CAMK2D: variants seen among roughly 807,000 people sequenced by gnomAD.
CAMK2D encodes the protein calcium/calmodulin dependent protein kinase II delta.
A neutral mutation model predicts 84.0 loss-of-function variants in CAMK2D; 37 were observed. That is an observed-to-expected ratio of 0.44 (90% CI 0.34 to 0.58). The LOEUF is 0.58. Ranked by LOEUF, CAMK2D falls within the 20% of genes least tolerant of loss-of-function variation. The pLI, the probability that CAMK2D is intolerant of heterozygous loss-of-function variation, is 0.02. For synonymous variants in CAMK2D, 202 were observed against 212.5 expected, an observed-to-expected ratio of 0.95 and a Z score of 0.43; for missense variants, 448 against 652.5, an observed-to-expected ratio of 0.69 and a Z score of 3.41.
intron 4 of CAMK2D, among the ~76,000 whole-genome samples, chr4:113,569,289 T>C (rs2098740854): frequency 6.6e-6 from 1 of 152,232 alleles, no homozygotes; most frequent in Middle Eastern, 3.2e-3. Context: ...TTTTGTGTCA[T>C]ATCCAAAAAA....
At chr4:113,683,975 C>T (rs561621417) in intron 2 of CAMK2D, among the ~76,000 whole-genome samples, 2 of 152,174 alleles carry the variant, frequency 1.3e-5, no homozygotes, top group Non-Finnish European at 2.9e-5. Flanking sequence ...TTTTTGACCT[C>T]TCTGTACCTC....
chr4:113,585,725 T>C (rs532594426), intron 4 of CAMK2D, among the ~76,000 whole-genome samples: 171 of 87,294 alleles, frequency 2.0e-3, no homozygotes, highest in Non-Finnish European at 2.9e-3. Context: ...TCATATAGTA[T>C]AGATAGTATA....
intron 4 of CAMK2D, among the ~76,000 whole-genome samples, chr4:113,593,582 G>C (rs1038922211): frequency 1.3e-5 from 2 of 151,412 alleles, no homozygotes; most frequent in Admixed American, 6.7e-5. Flanking sequence ...GTGAATACCA[G>C]AGGAAAAATC....
chr4:113,562,340 C>T (rs971139786), intron 4 of CAMK2D, among the ~76,000 whole-genome samples: 6 of 152,230 alleles, frequency 3.9e-5, no homozygotes, highest in Admixed American at 1.3e-4. Context: ...TATCTAAAAT[C>T]TTATTTATAC....
chr4:113,504,888 T>TATC (rs1354487499), intron 14 of CAMK2D, 88 bp downstream of exon 14: 1 of 480,856 alleles, frequency 2.1e-6, no homozygotes, highest in African/African-American at 2.1e-5. Context: ...TATATATATG[T>TATC]ATCTATATAG....
chr4:113,761,177 A>C lies in CAMK2D; in HGVS notation c.-109T>G. On this transcript the variant is annotated 5_prime_UTR_variant, in exon 1 of 21. Transcript: ENST00000511664. ...GGCGCTGTCACCCAGGGCCGCTCTTACTTTCCTGGTCCGAAAGTAGCTCGC... is the reference window on the plus strand; with the variant it reads ...GGCGCTGTCACCCAGGGCCGCTCTTCCTTTCCTGGTCCGAAAGTAGCTCGC... The C allele has an allele frequency of 6.4e-7, 1 of 1,574,284 alleles. No individual in the cohort carries two copies. Among genetic ancestry groups the C allele is most frequent in the Non-Finnish European group, 8.6e-7 (1 of 1,162,986 alleles).
chr4:113,519,763 A>T (rs2098332878), intron 8 of CAMK2D, among the ~76,000 whole-genome samples: 1 of 152,208 alleles, frequency 6.6e-6, no homozygotes, highest in Non-Finnish European at 1.5e-5. Context: ...ATTCAGAGTT[A>T]TGTGTGCTTT....
chr4:113,641,810 C>T (rs545526644), intron 3 of CAMK2D, among the ~76,000 whole-genome samples: 22 of 152,028 alleles, frequency 1.4e-4, no homozygotes, highest in African/African-American at 5.3e-4. Context: ...GAGTTCAAGA[C>T]CAGCCTGACC....
chr4:113,673,285 T>C (rs983167462), intron 2 of CAMK2D, among the ~76,000 whole-genome samples: 3 of 152,160 alleles, frequency 2.0e-5, no homozygotes, highest in South Asian at 2.1e-4. Flanking sequence ...AGGCAGGAAA[T>C]TGTGGCTTGC....
At chr4:113,706,752 T>G (rs1376897620) in intron 2 of CAMK2D, among the ~76,000 whole-genome samples, 1 of 152,176 alleles carries the variant, frequency 6.6e-6, no homozygotes, top group Non-Finnish European at 1.5e-5. Context: ...TTTGGTGGAT[T>G]AGAAGTGCTT....
chr4:113,603,853 G>A (rs2098966173), intron 4 of CAMK2D, among the ~76,000 whole-genome samples: 1 of 146,040 alleles, frequency 6.8e-6, no homozygotes, highest in African/African-American at 2.6e-5. Flanking sequence ...TGAGCACTTG[G>A]GGAGGCTGAG....
At chr4:113,725,887 A>G (rs1016312026) in intron 2 of CAMK2D, among the ~76,000 whole-genome samples, 4 of 152,182 alleles carry the variant, frequency 2.6e-5, no homozygotes, top group African/African-American at 9.7e-5. Flanking sequence ...ATATACATAC[A>G]TATATATCTG....
intron 13 of CAMK2D, 138 bp downstream of exon 13, chr4:113,509,500 T>G: frequency 1.6e-6 from 1 of 622,748 alleles, no homozygotes; most frequent in Non-Finnish European, 2.9e-6. Flanking sequence ...TATTAAATCA[T>G]TTCATATTTC....
chr4:113,471,152 T>G (rs1277592676), intron 16 of CAMK2D, among the ~76,000 whole-genome samples: 2 of 152,216 alleles, frequency 1.3e-5, no homozygotes, highest in Non-Finnish European at 2.9e-5. Context: ...AACCACAATT[T>G]TGCCAGTCTC....
At chr4:113,674,622 C>T (rs1320279003) in intron 2 of CAMK2D, among the ~76,000 whole-genome samples, 1 of 152,124 alleles carries the variant, frequency 6.6e-6, no homozygotes, top group African/African-American at 2.4e-5. Flanking sequence ...CCTGTCCAGG[C>T]TGGACAGTTA....
intron 7 of CAMK2D, 79 bp from the exon 8 acceptor site, chr4:113,531,378 CG>C: frequency 1.3e-6 from 1 of 768,780 alleles, no homozygotes; most frequent in Non-Finnish European, 2.3e-6. Flanking sequence ...AGAAAAATAT[CG>C]GGGGCTTCTT....
intron 2 of CAMK2D, among the ~76,000 whole-genome samples, chr4:113,698,453 G>T (rs2099409282): frequency 6.6e-6 from 1 of 152,026 alleles, no homozygotes; most frequent in Admixed American, 6.6e-5. Flanking sequence ...AATTTAATGA[G>T]GAAAAGCACA....
At chr4:113,578,687 T>C (rs1486213825) in intron 4 of CAMK2D, among the ~76,000 whole-genome samples, 1 of 70,622 alleles carries the variant, frequency 1.4e-5, no homozygotes, top group Non-Finnish European at 3.5e-5. Flanking sequence ...GCTAAAGAGA[T>C]AACTTTAACA....
At chr4:113,521,693 G>A (rs1315533950) in intron 8 of CAMK2D, among the ~76,000 whole-genome samples, 1 of 152,066 alleles carries the variant, frequency 6.6e-6, no homozygotes, top group Non-Finnish European at 1.5e-5. Context: ...AAAATGACTA[G>A]ATATTTTGAT....
Sources: allele counts gnomAD v4.1 joint callset (sites outside exome capture counted in the v4.1 genomes callset), GRCh38; gene constraint gnomAD v4.1.1; transcripts MANE v1.5; gene names NCBI Gene and HGNC (gene_info 2026-07-23, HGNC 2026-07-21).